Variants in STXBP5 observed in about 807,000 individuals in gnomAD.
STXBP5 encodes the protein syntaxin binding protein 5.
STXBP5 carries 50 observed loss-of-function variants against 152.4 expected under a neutral mutation model. The ratio of observed to expected loss-of-function variants is 0.33; its 90% CI spans 0.26 to 0.42. The LOEUF is 0.42. Among genes scored for constraint, STXBP5 ranks in the 10% least tolerant of loss-of-function variants. The probability of loss-of-function intolerance (pLI) is 1.00; values close to 1 mark genes in which losing one functional copy is unlikely to be tolerated. For synonymous variants in STXBP5, 492 were observed against 494.7 expected (o/e 0.99, Z 0.07); for missense variants, 1,167 against 1,388.6 (o/e 0.84, Z 2.54).
At position 147,297,959 on chromosome 6, in the gene STXBP5, A is replaced by G. The variant is rs183911412; in HGVS notation, c.917+6787A>G. Among the ~76,000 whole-genome samples, 509 of 152,260 alleles carry G rather than the reference A, an allele frequency of 3.3e-3. 3 individuals carry two copies. The highest frequency in any genetic ancestry group is 0.012 in the African/African-American group (479 of 41,572). On this transcript the variant is annotated intron_variant, in intron 9 of 27. Transcript: ENST00000321680. ...AAAGGAAGAATGTAACAAAGGATAC[A>G]GAAAAGCAAGAAAGCAGTTAACAAA...
chr6:147,335,602 A>G (rs1783783097), intron 19 of STXBP5, among the ~76,000 whole-genome samples: 1 of 152,184 alleles, frequency 6.6e-6, no homozygotes, highest in African/African-American at 2.4e-5. Context: ...AATAAACGTG[A>G]TATTTGTAGA....
chr6:147,228,230 AATG>A (rs1777826686), intron 2 of STXBP5, among the ~76,000 whole-genome samples: 1 of 152,114 alleles, frequency 6.6e-6, no homozygotes, highest in Non-Finnish European at 1.5e-5. Flanking sequence ...TTACAAAAAG[AATG>A]ATAAGATTTT....
At chr6:147,228,170 T>C (rs1381113948) in intron 2 of STXBP5, among the ~76,000 whole-genome samples, 2 of 152,084 alleles carry the variant, frequency 1.3e-5, no homozygotes, top group Non-Finnish European at 2.9e-5. Flanking sequence ...CATGTGTGTG[T>C]CTATGTGTGG....
chr6:147,207,922 A>G (rs1403352401), intron 2 of STXBP5, among the ~76,000 whole-genome samples: 1 of 152,184 alleles, frequency 6.6e-6, no homozygotes, highest in Non-Finnish European at 1.5e-5. Flanking sequence ...TTATAAAACC[A>G]GATTCTTAGA....
At chr6:147,279,527 A>T (rs1261263417) in intron 8 of STXBP5, among the ~76,000 whole-genome samples, 2 of 152,226 alleles carry the variant, frequency 1.3e-5, no homozygotes, top group Non-Finnish European at 1.5e-5. Context: ...TATCTGTGGC[A>T]TATGGGATTT....
At chr6:147,351,573 C>T (rs1021226272) in intron 21 of STXBP5, among the ~76,000 whole-genome samples, 20 of 152,170 alleles carry the variant, frequency 1.3e-4, no homozygotes, top group African/African-American at 4.8e-4. Flanking sequence ...AGCACAAGAA[C>T]AACCATGTAT....
chr6:147,310,302 C>T, intron 10 of STXBP5, 64 bp downstream of exon 10: 2 of 945,232 alleles, frequency 2.1e-6, no homozygotes, highest in Admixed American at 7.1e-5. Flanking sequence ...AAAAAAAAGA[C>T]CTAGGTTGTT....
intron 26 of STXBP5, among the ~76,000 whole-genome samples, chr6:147,376,327 A>G (rs2128420541): frequency 6.6e-6 from 1 of 152,356 alleles, no homozygotes; most frequent in Non-Finnish European, 1.5e-5. Flanking sequence ...TTAGAAAAAT[A>G]GAACATAACT....
intron 2 of STXBP5, among the ~76,000 whole-genome samples, chr6:147,233,163 A>G (rs567235830): frequency 3.3e-5 from 5 of 151,972 alleles, no homozygotes; most frequent in African/African-American, 1.2e-4. Flanking sequence ...TTAAACAAAC[A>G]TCTAAGATGA....
intron 9 of STXBP5, among the ~76,000 whole-genome samples, chr6:147,302,661 A>G (rs1234099745): frequency 2.0e-5 from 3 of 152,078 alleles, no homozygotes; most frequent in African/African-American, 7.2e-5. Context: ...CTAAAAATGG[A>G]GAAATTAGCC....
intron 22 of STXBP5, among the ~76,000 whole-genome samples, chr6:147,357,644 A>G (rs1784873203): frequency 6.6e-6 from 1 of 152,108 alleles, no homozygotes. Context: ...ACCCGAACTT[A>G]GGATAATGGA....
chr6:147,319,942 A>G (rs1441796583), intron 16 of STXBP5, among the ~76,000 whole-genome samples: 1 of 148,834 alleles, frequency 6.7e-6, no homozygotes, highest in African/African-American at 2.5e-5. Context: ...CCTGGGCTCA[A>G]TCAGTCCTCC....
intron 9 of STXBP5, among the ~76,000 whole-genome samples, chr6:147,296,137 T>C (rs545140173): frequency 2.1e-4 from 32 of 152,066 alleles, no homozygotes; most frequent in Non-Finnish European, 3.4e-4. Flanking sequence ...TCCTTGCTCC[T>C]GACTGGAAAA....
rs66619063 is a variant in STXBP5 at position 147,205,371 on chromosome 6, CATATATAT to C, written c.151-580_151-573del. Among the ~76,000 whole-genome samples, 38 of 141,902 alleles carry C rather than the reference CATATATAT, an allele frequency of 2.7e-4. No individual in the cohort carries two copies. The East Asian group carries it at 2.9e-3, about 11-fold the overall frequency. The allele number at this position is 141,902 out of a possible 152,430, so 93.1% of individuals were successfully genotyped here. On this transcript the variant is annotated intron_variant, in intron 1 of 27. Coordinates refer to ENST00000321680, the MANE Select transcript of STXBP5 (RefSeq NM_001127715.4). ...TATGTCAGAGTTAATTAAAAGTGTG[CATATATAT>C]ATATATATATATATATATAGGTCTA...
rs189577093 is a variant in STXBP5 at position 147,362,068 on chromosome 6, C to T, written c.2546-1267C>T. 1.6e-3 allele frequency among the ~76,000 whole-genome samples: 243 copies of T among 152,080 alleles called. 1 individual carries two copies. The highest frequency in any genetic ancestry group is 5.6e-3 in the African/African-American group (234 of 41,510). On this transcript the variant is annotated intron_variant, in intron 23 of 27. Coordinates refer to ENST00000321680, the MANE Select transcript of STXBP5 (RefSeq NM_001127715.4). ...AACAAATACTTTAATATAAGTGTGT[C>T]GCATTGGACAGATATGTAGCTTTTG...
intron 23 of STXBP5, among the ~76,000 whole-genome samples, chr6:147,362,347 T>C (rs1785105501): frequency 6.6e-6 from 1 of 152,126 alleles, no homozygotes; most frequent in African/African-American, 2.4e-5. Context: ...ATGAAAAATC[T>C]TTAAGAACTG....
chr6:147,212,063 A>G (rs184671285), intron 2 of STXBP5, among the ~76,000 whole-genome samples: 1 of 152,242 alleles, frequency 6.6e-6, no homozygotes, highest in Non-Finnish European at 1.5e-5. Flanking sequence ...AAAAGGAAGA[A>G]TAAGTGCTGT....
chr6:147,260,554 T>A, intron 4 of STXBP5, 61 bp from the exon 5 acceptor site: 1 of 1,592,152 alleles, frequency 6.3e-7, no homozygotes, highest in South Asian at 1.1e-5. Flanking sequence ...AACCCTCTAA[T>A]GCAATTAGTA....
intron 2 of STXBP5, among the ~76,000 whole-genome samples, chr6:147,223,959 C>A (rs1777582865): frequency 6.6e-6 from 1 of 152,204 alleles, no homozygotes; most frequent in Non-Finnish European, 1.5e-5. Context: ...TGTTCTGCCA[C>A]TGCCTTTGGA....
Sources: allele counts gnomAD v4.1 joint callset (sites outside exome capture counted in the v4.1 genomes callset), GRCh38; gene constraint gnomAD v4.1.1; transcripts MANE v1.5; gene names NCBI Gene and HGNC (gene_info 2026-07-23, HGNC 2026-07-21).